TDRD5: variants seen among roughly 807,000 people sequenced by gnomAD.
TDRD5 encodes tudor domain-containing protein 5.
TDRD5 carries 41 observed loss-of-function variants against 120.6 expected under a neutral mutation model. That is an observed-to-expected ratio of 0.34 (90% CI 0.26 to 0.44). The LOEUF (loss-of-function observed/expected upper bound fraction) is 0.44, where lower values mean the gene tolerates loss of function less well. Among genes scored for constraint, TDRD5 ranks in the 20% least tolerant of loss-of-function variants. The pLI, the probability that TDRD5 is intolerant of heterozygous loss-of-function variation, is 1.00. For synonymous variants in TDRD5, 430 were observed against 433.7 expected (o/e 0.99, Z 0.11); for missense variants, 1,006 against 1,221.2 (o/e 0.82, Z 2.63).
rs1213275048 is a variant in TDRD5 at position 179,593,847 on chromosome 1, A to T, written c.620A>T (p.Lys207Met). The T allele has an allele frequency of 1.2e-6, 2 of 1,613,202 alleles. No homozygotes were observed. The highest frequency in any genetic ancestry group is 1.7e-6 in the Non-Finnish European group (2 of 1,179,314). The part of the protein sequence containing the change: ...LMLKKSVTEE[K>M]PRGCPAGKIF... ...CTAAAGAAGAGTGTAACAGAGGAAA[A>T]GCCGAGAGGATGTCCAGCAGGTACG... Residue 207 changes from lysine to methionine, a missense_variant, in exon 3 of 18, where the codon AAG becomes ATG. By Grantham distance (95) the Lys-to-Met change is moderately conservative (BLOSUM62 -1). Coordinates refer to ENST00000444136, the MANE Select transcript of TDRD5 (RefSeq NM_001199085.3).
At position 179,640,399 on chromosome 1, in the gene TDRD5, C is replaced by T. The variant is rs756610888; in HGVS notation, c.1754C>T (p.Pro585Leu). The T allele has an allele frequency of 2.2e-5, 35 of 1,614,020 alleles. No individual in the cohort carries two copies. Among genetic ancestry groups the T allele is most frequent in the African/African-American group, 4.0e-5 (3 of 74,916 alleles). Residue 585 changes from proline (P) to leucine (L), a missense_variant, in exon 11 of 18, where the codon CCA (proline) becomes CTA (leucine). By Grantham distance (98) the Pro-to-Leu change is moderately conservative (BLOSUM62 -3). Transcript: ENST00000444136. The part of the protein sequence containing the change: ...RFLKCCYTKL[P>L]AQAIPCSLAW... The stretch of plus-strand genomic sequence containing the variant: ...TGCAGGTGCTGCTACACAAAGCTTC[C>T]AGCTCAGGCTATCCCTTGTTCTTTG...
rs1679717724 is a variant in TDRD5 at position 179,669,054 on chromosome 1, A to C, written c.2650-140A>C. On this transcript the variant is annotated intron_variant, in intron 16 of 17. Transcript: ENST00000444136. The stretch of plus-strand genomic sequence containing the variant: ...CCACCGCGCCCGGCTGAGAGTATCT[A>C]GGTTCTTGAAAGTGAGTAGTTTTAT... 5 of 844,506 alleles carry C rather than the reference A, an allele frequency of 5.9e-6. No individual in the cohort carries two copies. In the South Asian group the frequency reaches 8.1e-5, roughly 14 times the overall value. The allele number at this position is 844,506 out of a possible 1,614,324, so 52.3% of individuals were successfully genotyped here.
Position 179,630,986 on chromosome 1 carries a change from A to G in TDRD5, c.1126+66A>G, listed in dbSNP as rs1002136593. The G allele has an allele frequency of 5.6e-6, 8 of 1,420,040 alleles. No individual in the cohort carries two copies. In the East Asian group the frequency reaches 9.2e-5, roughly 16 times the overall value. 88.0% of individuals were successfully genotyped at this position (1,420,040 alleles called of 1,614,324 possible). ...GTCCTTATGAGGACAAAGAGAAAAC[A>G]TGAAATAATGCCTAGCCATGAAATG... On this transcript the variant is annotated intron_variant, in intron 7 of 17. Coordinates refer to ENST00000444136, the MANE Select transcript of TDRD5 (RefSeq NM_001199085.3).
intron 13 of TDRD5, 52 bp downstream of exon 13, chr1:179,652,249 CA>C (rs370696854): frequency 6.7e-7 from 1 of 1,496,818 alleles, no homozygotes; most frequent in Non-Finnish European, 8.9e-7. Flanking sequence ...CTGTAATCCT[CA>C]TTTTTTTAGA....
At chr1:179,626,382 T>A (rs1250070895) in intron 6 of TDRD5, among the ~76,000 whole-genome samples, 4 of 152,150 alleles carry the variant, frequency 2.6e-5, no homozygotes, top group Non-Finnish European at 5.9e-5. Flanking sequence ...GGAAAAAAAG[T>A]TTGTCTCTAG....
intron 6 of TDRD5, among the ~76,000 whole-genome samples, chr1:179,624,474 C>A (rs4454502): frequency 0.74 from 112,057 of 152,028 alleles, 41,492 homozygotes; most frequent in East Asian, 0.88. Flanking sequence ...AAAGAAAAAA[C>A]GTAAAACTTT....
intron 14 of TDRD5, among the ~76,000 whole-genome samples, chr1:179,659,195 T>C (rs1679155828): frequency 1.3e-5 from 2 of 152,262 alleles, no homozygotes; most frequent in South Asian, 4.2e-4. Flanking sequence ...TCCATGTGTC[T>C]TTGAAAAAAA....
chr1:179,646,957 A>G (rs1678406471), intron 11 of TDRD5, among the ~76,000 whole-genome samples: 1 of 150,106 alleles, frequency 6.7e-6, no homozygotes, highest in African/African-American at 2.5e-5. Flanking sequence ...AAGAGGATAC[A>G]AACAAATGGA....
intron 9 of TDRD5, among the ~76,000 whole-genome samples, chr1:179,639,290 C>T (rs1397224633): frequency 1.1e-4 from 17 of 152,234 alleles, no homozygotes; most frequent in Admixed American, 6.5e-5. Flanking sequence ...ATGATGGAGT[C>T]AGGATTTGGA....
chr1:179,676,348 A>T (rs974435041), intron 17 of TDRD5, among the ~76,000 whole-genome samples: 2 of 152,196 alleles, frequency 1.3e-5, no homozygotes, highest in Admixed American at 6.5e-5. Context: ...GGCCATTTAC[A>T]TTCAATGTTA....
chr1:179,608,733 C>G (rs985594962), intron 4 of TDRD5, among the ~76,000 whole-genome samples: 1 of 148,256 alleles, frequency 6.7e-6, no homozygotes, highest in Non-Finnish European at 1.5e-5. Context: ...TGTGCCATTT[C>G]TGTTTTTTTT....
At chr1:179,676,274 C>A (rs1680142408) in intron 17 of TDRD5, among the ~76,000 whole-genome samples, 1 of 152,172 alleles carries the variant, frequency 6.6e-6, no homozygotes, top group Non-Finnish European at 1.5e-5. Flanking sequence ...CTGAAGGCAG[C>A]AGAAACTTGG....
intron 4 of TDRD5, among the ~76,000 whole-genome samples, chr1:179,606,322 G>T (rs373137276): frequency 6.6e-6 from 1 of 151,232 alleles, no homozygotes; most frequent in Non-Finnish European, 1.5e-5. Flanking sequence ...AGAGTTCTTT[G>T]TTTTGTTTTG....
At chr1:179,622,528 T>C (rs1026762784) in intron 6 of TDRD5, among the ~76,000 whole-genome samples, 12 of 152,210 alleles carry the variant, frequency 7.9e-5, no homozygotes, top group Admixed American at 5.9e-4. Flanking sequence ...CATTAAAGGA[T>C]ATAAAGGAAT....
At chr1:179,653,578 T>C (rs1678833266) in intron 13 of TDRD5, among the ~76,000 whole-genome samples, 1 of 152,178 alleles carries the variant, frequency 6.6e-6, no homozygotes, top group Admixed American at 6.5e-5. Context: ...TCTTAAATAG[T>C]AAATTGAATT....
At chr1:179,657,616 A>T (rs997616483) in intron 14 of TDRD5, among the ~76,000 whole-genome samples, 2 of 141,158 alleles carry the variant, frequency 1.4e-5, no homozygotes, top group African/African-American at 4.9e-5. Context: ...TCCTGGCCTC[A>T]TAAAATAAAT....
At chr1:179,684,816 T>TC (rs1260188675) in intron 17 of TDRD5, among the ~76,000 whole-genome samples, 1 of 152,272 alleles carries the variant, frequency 6.6e-6, no homozygotes, top group African/African-American at 2.4e-5. Flanking sequence ...GAACATTTTT[T>TC]CATGTGTCTG....
Position 179,645,076 on chromosome 1 carries a change from CTTT to C in TDRD5, c.1800+4656_1800+4658del, listed in dbSNP as rs71569261. 6.0e-5 allele frequency among the ~76,000 whole-genome samples: 6 copies of C among 99,592 alleles called. 1 individual carries two copies. Among genetic ancestry groups the C allele is most frequent in the Admixed American group, 2.2e-4 (2 of 9,302 alleles). The allele number at this position is 99,592 out of a possible 152,430, so 65.3% of individuals were successfully genotyped here. ...AGTTTCTCAGTTTATAAACATTTTT[CTTT>C]TTTTTTTTTTTTTTTTTTTTTTTTG... On this transcript the variant is annotated intron_variant, in intron 11 of 17. Transcript: ENST00000444136.
intron 7 of TDRD5, 50 bp from the exon 8 acceptor site, chr1:179,634,407 A>C: frequency 6.4e-7 from 1 of 1,557,796 alleles, no homozygotes; most frequent in Middle Eastern, 1.7e-4. Context: ...AGGCTGCTCT[A>C]TTGGCCATTT....
Sources: allele counts gnomAD v4.1 joint callset (sites outside exome capture counted in the v4.1 genomes callset), GRCh38; gene constraint gnomAD v4.1.1; transcripts MANE v1.5; gene names NCBI Gene and HGNC (gene_info 2026-07-23, HGNC 2026-07-21).